Variants in MSI2 observed in about 807,000 individuals in gnomAD.
The protein encoded by MSI2 is RNA-binding protein Musashi homolog 2.
A neutral mutation model predicts 45.6 loss-of-function variants in MSI2; 17 were observed. That is an observed-to-expected ratio of 0.37 (90% CI 0.26 to 0.56). The LOEUF is 0.56. Ranked by LOEUF, MSI2 falls within the 20% of genes least tolerant of loss-of-function variation. The pLI is 0.77. For missense variants in MSI2, 293 were observed against 444.2 expected (o/e 0.66, Z 3.06); for synonymous variants, 156 against 158.2 (o/e 0.99, Z 0.11).
chr17:57,564,349 T>G (rs2087675273), intron 7 of MSI2, among the ~76,000 whole-genome samples: 1 of 152,238 alleles, frequency 6.6e-6, no homozygotes, highest in Non-Finnish European at 1.5e-5. Flanking sequence ...CTCTGCCCTG[T>G]GCCCTTAGAG....
intron 6 of MSI2, among the ~76,000 whole-genome samples, chr17:57,479,949 CT>C (rs752292043): frequency 2.0e-5 from 3 of 152,178 alleles, no homozygotes; most frequent in Non-Finnish European, 4.4e-5. Flanking sequence ...AATGTGTTAT[CT>C]TTCTACTTCA....
At chr17:57,257,005 T>G (rs1352596854) in intron 1 of MSI2, 93 bp from the exon 2 acceptor site, 1 of 1,483,692 alleles carries the variant, frequency 6.7e-7, no homozygotes, top group African/African-American at 1.6e-5. Flanking sequence ...GCTCGCTCGC[T>G]CCCCCCCGCT....
In MSI2 at chr17:57,503,946, C is replaced by T. The variant is rs554981531; in HGVS notation, c.406-25730C>T. On this transcript the variant is annotated intron_variant, in intron 6 of 13. Transcript: ENST00000284073. ...TTTAAGTAGAGATGCATGTTGGTCA[C>T]GCTGGTCTCGAACTCCTGACCTCAT... Among the ~76,000 whole-genome samples, 28 of 152,238 alleles carry T rather than the reference C, an allele frequency of 1.8e-4. No individual in the cohort carries two copies. The South Asian group carries it at 5.0e-3, about 27-fold the overall frequency.
intron 6 of MSI2, among the ~76,000 whole-genome samples, chr17:57,459,307 G>A (rs998288617): frequency 6.6e-6 from 1 of 152,230 alleles, no homozygotes; most frequent in African/African-American, 2.4e-5. Context: ...GGAATGAGGT[G>A]AGAGAAGGTG....
intron 7 of MSI2, among the ~76,000 whole-genome samples, chr17:57,579,132 A>T (rs1043227928): frequency 1.3e-5 from 2 of 152,244 alleles, no homozygotes; most frequent in Admixed American, 1.3e-4. Flanking sequence ...AGTGCAATAA[A>T]GTGAATTTGG....
At chr17:57,547,453 G>A (rs1199340643) in intron 7 of MSI2, among the ~76,000 whole-genome samples, 1 of 152,090 alleles carries the variant, frequency 6.6e-6, no homozygotes, top group African/African-American at 2.4e-5. Context: ...TTGGGTGAGG[G>A]TTGTACAGTG....
chr17:57,407,473 A>G lies in MSI2; in HGVS notation c.405+6002A>G, dbSNP rs1001529904. On this transcript the variant is annotated intron_variant, in intron 6 of 13. Transcript: ENST00000284073. This position sits in a 1 kb window ranked among gnomAD's most constrained non-coding sequence, Gnocchi z 4.1. ...CCTCAGGTAGTGTTTTCTTGCTTTA[A>G]ATGTGTGTCGTAGATAAACAGAGCT... 2.6e-5 allele frequency among the ~76,000 whole-genome samples: 4 copies of G among 152,144 alleles called. No homozygotes were observed. The highest frequency in any genetic ancestry group is 9.7e-5 in the African/African-American group (4 of 41,436).
chr17:57,637,265 A>G (rs1367593073), intron 10 of MSI2, among the ~76,000 whole-genome samples: 1 of 152,206 alleles, frequency 6.6e-6, no homozygotes, highest in Non-Finnish European at 1.5e-5. Flanking sequence ...ACAGAGAAGT[A>G]AAATTCAGTG....
chr17:57,398,466 T>A (rs2083930216), intron 5 of MSI2, among the ~76,000 whole-genome samples: 1 of 152,244 alleles, frequency 6.6e-6, no homozygotes, highest in African/African-American at 2.4e-5. Context: ...TCTCTGCCCA[T>A]CTGAAAGCAT....
chr17:57,272,649 G>T (rs572192294), intron 5 of MSI2, among the ~76,000 whole-genome samples: 1 of 152,182 alleles, frequency 6.6e-6, no homozygotes, highest in South Asian at 2.1e-4. Context: ...TGCAACCTTG[G>T]GGGTAGAAGA....
At chr17:57,255,992 T>C (rs1488179992), upstream of MSI2, 1 of 151,754 alleles carries the variant, frequency 6.6e-6, no homozygotes, top group Non-Finnish European at 1.5e-5. Context: ...GTGGGTTTGC[T>C]CCCGACGTCC....
At chr17:57,585,917 G>C (rs564212049) in intron 7 of MSI2, among the ~76,000 whole-genome samples, 2 of 152,254 alleles carry the variant, frequency 1.3e-5, no homozygotes, top group African/African-American at 2.4e-5. Context: ...CCTCTGCCCC[G>C]CTGGGCGCGA....
At chr17:57,396,779 CT>C (rs778249296) in intron 5 of MSI2, among the ~76,000 whole-genome samples, 15 of 152,162 alleles carry the variant, frequency 9.9e-5, no homozygotes, top group Non-Finnish European at 1.5e-4. Context: ...CCCCACTGCC[CT>C]TTGTGCACAC....
chr17:57,679,361 C>G (rs1913460870), intron 13 of MSI2, among the ~76,000 whole-genome samples, 188 bp from the exon 14 acceptor site: 1 of 152,216 alleles, frequency 6.6e-6, no homozygotes, highest in Admixed American at 6.5e-5. Flanking sequence ...GATTTCCCAA[C>G]CTGTGATCTC....
chr17:57,523,055 T>G (rs1238665625), intron 6 of MSI2: 8 of 152,220 alleles, frequency 5.3e-5, no homozygotes, highest in Non-Finnish European at 7.3e-5. Flanking sequence ...GTGTCCTTTT[T>G]TTTTTTTTTT....
chr17:57,610,375 C>T (rs558582449), intron 8 of MSI2, among the ~76,000 whole-genome samples: 1 of 152,080 alleles, frequency 6.6e-6, no homozygotes, highest in Non-Finnish European at 1.5e-5. Flanking sequence ...TCACTTGAAC[C>T]CGGGAGGCGG....
chr17:57,329,939 TG>T lies in MSI2; in HGVS notation c.312+67748del, dbSNP rs901371345. ...TATTAAAGTTTTTTGTTTTTGTTTT[TG>T]TTTTTTTTTTTTGGTCAGATAGCCT... On this transcript the variant is annotated intron_variant, in intron 5 of 13. Transcript: ENST00000284073. 7.3e-4 allele frequency among the ~76,000 whole-genome samples: 110 copies of T among 151,720 alleles called. 2 individuals carry two copies. In the South Asian group the frequency reaches 0.02, roughly 27 times the overall value.
chr17:57,404,976 A>T (rs4794728), intron 6 of MSI2, among the ~76,000 whole-genome samples: 9 of 152,086 alleles, frequency 5.9e-5, no homozygotes, highest in South Asian at 2.1e-4. Context: ...TGAGGTTAAC[A>T]GCTAACAGGT....
intron 6 of MSI2, among the ~76,000 whole-genome samples, chr17:57,472,187 G>T (rs2085450915): frequency 6.6e-6 from 1 of 152,214 alleles, no homozygotes; most frequent in African/African-American, 2.4e-5. Flanking sequence ...AGACAAATTA[G>T]GAGGGGATTA....
Sources: allele counts gnomAD v4.1 joint callset (sites outside exome capture counted in the v4.1 genomes callset), GRCh38; gene constraint gnomAD v4.1.1; non-coding constraint Gnocchi (gnomAD v3.1); transcripts MANE v1.5; gene names NCBI Gene and HGNC (gene_info 2026-07-23, HGNC 2026-07-21).